RUSC2: variants seen among roughly 807,000 people sequenced by gnomAD.
RUSC2 encodes the protein RUN and SH3 domain containing 2.
RUSC2 carries 34 observed loss-of-function variants against 122.2 expected under a neutral mutation model. That is an observed-to-expected ratio of 0.28 (90% CI 0.21 to 0.37). The LOEUF (loss-of-function observed/expected upper bound fraction) is 0.37. RUSC2 is among the 10% of genes least tolerant of loss of function. RUSC2 has a pLI of 1.00. For synonymous variants in RUSC2, 784 were observed against 790.0 expected, an observed-to-expected ratio of 0.99 and a Z score of 0.13; for missense variants, 1,747 against 1,952.4, an observed-to-expected ratio of 0.89 and a Z score of 1.98.
intron 1 of RUSC2, among the ~76,000 whole-genome samples, chr9:35,511,653 C>T (rs977551886): frequency 6.6e-6 from 1 of 152,172 alleles, no homozygotes; most frequent in Non-Finnish European, 1.5e-5. Flanking sequence ...TAATCATCTA[C>T]CCCATGCCAG....
chr9:35,537,592 G>A (rs1279098743), intron 1 of RUSC2, among the ~76,000 whole-genome samples: 1 of 152,192 alleles, frequency 6.6e-6, no homozygotes, highest in Non-Finnish European at 1.5e-5. Context: ...AATTGACTCA[G>A]CTCAGCATGG....
In RUSC2 at chr9:35,555,838, G is replaced by T; in HGVS notation, c.2657-114G>T. 1 of 1,473,600 alleles carries T rather than the reference G, an allele frequency of 6.8e-7. No individual in the cohort carries two copies. Among genetic ancestry groups the T allele is most frequent in the Non-Finnish European group, 9.2e-7 (1 of 1,090,178 alleles). 91.3% of individuals were successfully genotyped at this position (1,473,600 alleles called of 1,614,324 possible). A position where few individuals can be genotyped will look rare whatever the true frequency, so the allele number is the denominator to read the frequency against. Reference sequence around the variant, plus strand: ...CTGCATCCCTCCCTCAGCATCTGTAGATAATATCCACAGATAATCTAGTGT... The same window carrying T: ...CTGCATCCCTCCCTCAGCATCTGTATATAATATCCACAGATAATCTAGTGT... On this transcript the variant is annotated intron_variant, in intron 3 of 11. Transcript: ENST00000361226. The surrounding 1 kb of genome is among the most constrained non-coding windows in gnomAD (Gnocchi z 4.6).
In RUSC2 at chr9:35,548,252, A is replaced by G; in HGVS notation, c.1731A>G (p.Gln577=). ...GDSSQEFSPI[Q]EAQQDRGAPL... ...CCTCCCAGGAGTTCTCACCCATCCAAGAAGCCCAGCAAGATCGGGGGGCCC... is the reference window on the plus strand; with the variant it reads ...CCTCCCAGGAGTTCTCACCCATCCAGGAAGCCCAGCAAGATCGGGGGGCCC... The change falls in exon 2 of 12, where the codon CAA becomes CAG. Residue 577 remains glutamine, a synonymous_variant. Coordinates refer to ENST00000361226, the MANE Select transcript of RUSC2 (RefSeq NM_014806.5). This position sits in a 1 kb window ranked among gnomAD's most constrained non-coding sequence, Gnocchi z 4.5. The G allele has an allele frequency of 6.2e-7, 1 of 1,613,888 alleles. No individual in the cohort carries two copies. Among genetic ancestry groups the G allele is most frequent in the Non-Finnish European group, 8.5e-7 (1 of 1,179,992 alleles).
intron 9 of RUSC2, 126 bp from the exon 10 acceptor site, chr9:35,559,903 G>C (rs1164005118): frequency 1.3e-6 from 1 of 770,424 alleles, no homozygotes; most frequent in Admixed American, 2.4e-5. Flanking sequence ...CTTAGTACAT[G>C]CAAGTTGACT....
At position 35,546,908 on chromosome 9, in the gene RUSC2, G is replaced by C; in HGVS notation, c.387G>C (p.Gln129His). The C allele has an allele frequency of 6.3e-7, 1 of 1,580,044 alleles. No individual in the cohort carries two copies. Among genetic ancestry groups the C allele is most frequent in the East Asian group, 2.2e-5 (1 of 44,692 alleles). The stretch of plus-strand genomic sequence containing the variant: ...GCATTGGTGACAGTGCCACCCAGCA[G>C]TCCTTCCACCTGCATGGCACTGGCC... ...DDSIGDSATQ[Q>H]SFHLHGTGQP... Residue 129 changes from glutamine to histidine, a missense_variant, in exon 2 of 12, where the codon CAG becomes CAC. Transcript: ENST00000361226. The surrounding 1 kb of genome is among the most constrained non-coding windows in gnomAD (Gnocchi z 4.3).
At position 35,561,438 on chromosome 9, in the gene RUSC2, C is replaced by A; in HGVS notation, c.*56C>A. On this transcript the variant is annotated 3_prime_UTR_variant, in exon 12 of 12. Transcript: ENST00000361226. ...CCTCATAACCCCCAGACTCAGAGCC[C>A]GAGAGCCCTTCCCAAGCCATTGGCT... The A allele has an allele frequency of 1.4e-6, 2 of 1,448,968 alleles. No homozygotes were observed. Among genetic ancestry groups the A allele is most frequent in the South Asian group, 1.3e-5 (1 of 76,032 alleles). The allele number at this position is 1,448,968 out of a possible 1,614,324, so 89.8% of individuals were successfully genotyped here. A position where few individuals can be genotyped will look rare whatever the true frequency, so the allele number is the denominator to read the frequency against.
At chr9:35,541,134 C>T (rs1220738812) in intron 1 of RUSC2, among the ~76,000 whole-genome samples, 3 of 152,056 alleles carry the variant, frequency 2.0e-5, no homozygotes, top group African/African-American at 4.8e-5. Flanking sequence ...GACCTCATAA[C>T]TTTATACTGG....
intron 2 of RUSC2, among the ~76,000 whole-genome samples, chr9:35,553,206 C>T (rs1006317418): frequency 6.6e-6 from 1 of 152,194 alleles, no homozygotes; most frequent in Non-Finnish European, 1.5e-5. Flanking sequence ...GTGTGGGCAA[C>T]TAGCTCACTG....
At chr9:35,526,339 C>G (rs1490823304) in intron 1 of RUSC2, among the ~76,000 whole-genome samples, 2 of 152,156 alleles carry the variant, frequency 1.3e-5, no homozygotes, top group East Asian at 3.8e-4. Flanking sequence ...TCCAAGGTTA[C>G]CGTCCTATTT....
chr9:35,520,802 C>T (rs1238035422), intron 1 of RUSC2, among the ~76,000 whole-genome samples: 3 of 152,178 alleles, frequency 2.0e-5, no homozygotes, highest in Non-Finnish European at 4.4e-5. Context: ...ATCCACCCCT[C>T]GTACACTGTC....
In RUSC2 at chr9:35,561,107, G is replaced by C. The variant is rs752169673; in HGVS notation, c.4349+10G>C. 9.3e-6 allele frequency: 15 copies of C among 1,613,902 alleles called. No homozygotes were observed. The South Asian group carries it at 1.6e-4, about 18-fold the overall frequency. On this transcript the variant is annotated intron_variant, in intron 11 of 11. Transcript: ENST00000361226. ...CCTCCAGTCCTCCGTGGTAAGCCTG[G>C]GGAAACGGAAGGGCTGAGGGGGGCG...
At chr9:35,560,923 A>C in intron 10 of RUSC2, 37 bp from the exon 11 acceptor site, 1 of 1,607,172 alleles carries the variant, frequency 6.2e-7, no homozygotes, top group Non-Finnish European at 8.5e-7. Flanking sequence ...GGCAGAGCCC[A>C]TCCTGGGCAG....
intron 1 of RUSC2, among the ~76,000 whole-genome samples, chr9:35,535,357 C>G (rs1821501462): frequency 6.6e-6 from 1 of 151,896 alleles, no homozygotes; most frequent in Non-Finnish European, 1.5e-5. Context: ...CTCAGGTGAT[C>G]TGCCCGCTTC....
At position 35,555,544 on chromosome 9, in the gene RUSC2, G is replaced by A. The variant is rs372568851; in HGVS notation, c.2499G>A (p.Pro833=). Residue 833 remains proline, a synonymous_variant, in exon 3 of 12, where the codon CCG becomes CCA. Transcript: ENST00000361226. This position sits in a 1 kb window ranked among gnomAD's most constrained non-coding sequence, Gnocchi z 4.6. The stretch of plus-strand genomic sequence containing the variant: ...TCCGGCCTGCCACCTCCCAGCAGCC[G>A]CAGAAGGAGGATCAGAAGATACTGA... ...SAVRPATSQQ[P]QKEDQKILTL... 67 of 1,613,942 alleles carry A rather than the reference G, an allele frequency of 4.2e-5. No homozygotes were observed. The Admixed American group carries it at 6.8e-4, about 16-fold the overall frequency.
intron 1 of RUSC2, among the ~76,000 whole-genome samples, chr9:35,493,848 A>C (rs556177415): frequency 5.3e-5 from 8 of 152,206 alleles, no homozygotes; most frequent in Admixed American, 5.2e-4. Context: ...CATTGTATGT[A>C]TACACTATAT....
Position 35,508,102 on chromosome 9 carries a change from T to C in RUSC2, c.-93+17930T>C, listed in dbSNP as rs1186280782. ...TTCCTTCCCTATGCTGTTGGTAGTC[T>C]TGACTCATACCTCAGAAGGAAAAAG... On this transcript the variant is annotated intron_variant, in intron 1 of 11. Transcript: ENST00000361226. Among the ~76,000 whole-genome samples the C allele has an allele frequency of 5.3e-5, 8 of 152,190 alleles. 1 individual carries two copies. The highest frequency in any genetic ancestry group is 5.2e-4 in the Admixed American group (8 of 15,278).
In RUSC2 at chr9:35,555,739, T is replaced by G. The variant is rs1822002595; in HGVS notation, c.2656+38T>G. 7 of 1,557,984 alleles carry G rather than the reference T, an allele frequency of 4.5e-6. No individual in the cohort carries two copies. Among genetic ancestry groups the G allele is most frequent in the Non-Finnish European group, 6.0e-6 (7 of 1,164,352 alleles). On this transcript the variant is annotated intron_variant, in intron 3 of 11. Coordinates refer to ENST00000361226, the MANE Select transcript of RUSC2 (RefSeq NM_014806.5). The surrounding 1 kb of genome is among the most constrained non-coding windows in gnomAD (Gnocchi z 4.6). ...GCATCTCCCTACCCAACCCGCCACCTCACGCAAGCACTTCCACCACCTCCC... is the reference window on the plus strand; with the variant it reads ...GCATCTCCCTACCCAACCCGCCACCGCACGCAAGCACTTCCACCACCTCCC...
chr9:35,551,814 C>G (rs148822432), intron 2 of RUSC2, among the ~76,000 whole-genome samples: 3,951 of 152,104 alleles, frequency 0.026, 92 homozygotes, highest in Non-Finnish European at 0.037. Flanking sequence ...AATCCCAGCA[C>G]TTTGGGAGGC....
rs892753011 is a variant in RUSC2, at chr9:35,561,337, A to G, written c.4506A>G (p.Thr1502=). ...DSGLVPLAYV[T]LTPTPSPTPG... ...GCCTGGTGCCCCTGGCCTACGTGAC[A>G]TTGACCCCAACTCCAAGTCCAACCC... Residue 1502 remains threonine (T), a synonymous_variant, in exon 12 of 12, where the codon ACA becomes ACG. Transcript: ENST00000361226. The G allele has an allele frequency of 6.8e-6, 11 of 1,613,904 alleles. No homozygotes were observed. The highest frequency in any genetic ancestry group is 2.2e-5 in the East Asian group (1 of 44,876).
Sources: allele counts gnomAD v4.1 joint callset (sites outside exome capture counted in the v4.1 genomes callset), GRCh38; gene constraint gnomAD v4.1.1; non-coding constraint Gnocchi (gnomAD v3.1); transcripts MANE v1.5; gene names NCBI Gene and HGNC (gene_info 2026-07-23, HGNC 2026-07-21).